Variants in RBFOX1 observed in about 807,000 individuals in gnomAD.
RBFOX1 encodes RNA binding protein fox-1 homolog 1.
A neutral mutation model predicts 57.7 loss-of-function variants in RBFOX1; 8 were observed. The observed-to-expected ratio is 0.14, with a 90% CI of 0.08 to 0.25. RBFOX1 has a LOEUF of 0.25. Ranked by LOEUF, RBFOX1 falls within the 10% of genes least tolerant of loss-of-function variation. RBFOX1 has a pLI of 1.00. For missense variants in RBFOX1, 611 were observed against 548.5 expected, an observed-to-expected ratio of 1.11 and a Z score of -1.14; for synonymous variants, 326 against 222.4, an observed-to-expected ratio of 1.47 and a Z score of -4.15.
chr16:6,906,637 C>A (rs746521268), intron 3 of RBFOX1, among the ~76,000 whole-genome samples: 7 of 151,990 alleles, frequency 4.6e-5, no homozygotes. Flanking sequence ...AGGACAGGAA[C>A]AGCGTTTTCT....
At chr16:7,673,401 G>C (rs2072225778) in intron 13 of RBFOX1, among the ~76,000 whole-genome samples, 1 of 152,062 alleles carries the variant, frequency 6.6e-6, no homozygotes, top group Non-Finnish European at 1.5e-5. Context: ...TACCCCACAA[G>C]CATAATTTTG....
intron 4 of RBFOX1, among the ~76,000 whole-genome samples, chr16:7,214,790 A>G (rs1332458959): frequency 6.6e-6 from 1 of 152,104 alleles, no homozygotes. Flanking sequence ...CCCCTGCAAA[A>G]TGAAGTAGAC....
chr16:7,696,928 A>T (rs1035377862), intron 14 of RBFOX1, among the ~76,000 whole-genome samples: 1 of 152,154 alleles, frequency 6.6e-6, no homozygotes, highest in East Asian at 1.9e-4. Context: ...TCCAGGAGTA[A>T]GACATCCAGT....
intron 2 of RBFOX1, among the ~76,000 whole-genome samples, chr16:6,508,236 A>G (rs2096160401): frequency 6.6e-6 from 1 of 152,070 alleles, no homozygotes; most frequent in African/African-American, 2.4e-5. Flanking sequence ...GGAAGGAGGG[A>G]GAGGATCAGG....
At chr16:6,804,138 G>T (rs2086149487) in intron 3 of RBFOX1, among the ~76,000 whole-genome samples, 1 of 151,872 alleles carries the variant, frequency 6.6e-6, no homozygotes, top group Admixed American at 6.6e-5. Context: ...CATCCAAGTA[G>T]CTGGGATTAC....
chr16:5,715,536 C>G (rs1177902531), intron 3 of RBFOX1, among the ~76,000 whole-genome samples: 1 of 152,234 alleles, frequency 6.6e-6, no homozygotes, highest in African/African-American at 2.4e-5. Flanking sequence ...GTCCAGTTGA[C>G]TGATCTCTCT....
intron 2 of RBFOX1, among the ~76,000 whole-genome samples, chr16:5,504,040 C>A (rs973487637): frequency 6.6e-6 from 1 of 152,158 alleles, no homozygotes; most frequent in African/African-American, 2.4e-5. Context: ...TGGTTTGGGG[C>A]CCCTCCAGCC....
chr16:5,625,613 G>C (rs558425315), intron 3 of RBFOX1, among the ~76,000 whole-genome samples: 350 of 151,440 alleles, frequency 2.3e-3, no homozygotes, highest in Non-Finnish European at 3.5e-3. Flanking sequence ...GCTCGAGTAT[G>C]GTGGTGCAAT....
At chr16:6,335,937 C>G (rs916699961) in intron 2 of RBFOX1, among the ~76,000 whole-genome samples, 1 of 150,340 alleles carries the variant, frequency 6.7e-6, no homozygotes, top group Non-Finnish European at 1.5e-5. Context: ...TCCAGCCTCA[C>G]AGTAGGCAGT....
intron 3 of RBFOX1, among the ~76,000 whole-genome samples, chr16:6,841,110 T>A (rs1301312032): frequency 6.6e-6 from 1 of 152,104 alleles, no homozygotes. Context: ...TCAATTTTCT[T>A]GTGCATTTGC....
intron 4 of RBFOX1, among the ~76,000 whole-genome samples, chr16:7,210,608 ATGT>A (rs148386473): frequency 0.17 from 26,413 of 152,172 alleles, 2,462 homozygotes; most frequent in East Asian, 0.37. Flanking sequence ...ACTGATGCTA[ATGT>A]TGATGATGAT....
chr16:7,193,946 C>G (rs1482782688), intron 4 of RBFOX1, among the ~76,000 whole-genome samples: 1 of 150,656 alleles, frequency 6.6e-6, no homozygotes, highest in African/African-American at 2.5e-5. Context: ...GCATCTATCT[C>G]TAGCTATCTT....
intron 1 of RBFOX1, among the ~76,000 whole-genome samples, chr16:6,213,258 TC>T (rs1260036094): frequency 6.6e-6 from 1 of 152,226 alleles, no homozygotes; most frequent in African/African-American, 2.4e-5. Flanking sequence ...CTTAATTATT[TC>T]TTTCTAGGTG....
chr16:7,081,710 T>A (rs546439723), intron 4 of RBFOX1, among the ~76,000 whole-genome samples: 66 of 152,354 alleles, frequency 4.3e-4, no homozygotes, highest in African/African-American at 1.4e-3. Context: ...TTATTTATTT[T>A]AAATATTTCA....
chr16:5,535,928 C>T (rs1319381778), intron 2 of RBFOX1, among the ~76,000 whole-genome samples: 4 of 152,102 alleles, frequency 2.6e-5, no homozygotes, highest in Admixed American at 6.6e-5. Flanking sequence ...TTCAAAGAGC[C>T]TTTTTGTTGA....
rs536081907 is a variant in RBFOX1 at position 5,946,228 on chromosome 16, G to A, written c.351+78893G>A. Among the ~76,000 whole-genome samples the A allele has an allele frequency of 3.3e-5, 5 of 152,274 alleles. No homozygotes were observed. Among genetic ancestry groups the A allele is most frequent in the African/African-American group, 4.8e-5 (2 of 41,554 alleles). On this transcript the variant is annotated intron_variant, in intron 4 of 19. Coordinates refer to the RBFOX1 transcript ENST00000641259. This position sits in a 1 kb window ranked among gnomAD's most constrained non-coding sequence, Gnocchi z 4.6. Reference sequence around the variant, plus strand: ...GCTCTGCCACATTAGATGCCTTCACGTCTCTAAGTGTCTCTAAGTCTCAGC... The same window carrying A: ...GCTCTGCCACATTAGATGCCTTCACATCTCTAAGTGTCTCTAAGTCTCAGC...
At chr16:6,837,989 T>C (rs1277868736) in intron 3 of RBFOX1, among the ~76,000 whole-genome samples, 1 of 145,800 alleles carries the variant, frequency 6.9e-6, no homozygotes, top group Non-Finnish European at 1.5e-5. Flanking sequence ...TCCATGGCAA[T>C]ACTGGGAAGT....
intron 4 of RBFOX1, among the ~76,000 whole-genome samples, chr16:7,306,061 A>G (rs1175250392): frequency 5.3e-5 from 8 of 152,068 alleles, no homozygotes; most frequent in African/African-American, 1.4e-4. Context: ...TGCCTTTTAC[A>G]TTTACTTCTT....
chr16:6,782,806 C>G (rs1255699128), intron 3 of RBFOX1, among the ~76,000 whole-genome samples: 1 of 152,148 alleles, frequency 6.6e-6, no homozygotes, highest in South Asian at 2.1e-4. Context: ...GGTTTTTTGT[C>G]CAATGCTGAA....
Sources: allele counts gnomAD v4.1 joint callset (sites outside exome capture counted in the v4.1 genomes callset), GRCh38; gene constraint gnomAD v4.1.1; non-coding constraint Gnocchi (gnomAD v3.1); transcripts MANE v1.5; gene names NCBI Gene and HGNC (gene_info 2026-07-23, HGNC 2026-07-21).